The following NBEA variants were observed in gnomAD, a reference collection of about 807,000 sequenced individuals.
NBEA encodes lysosomal-trafficking regulator 2.
NBEA carries 44 observed loss-of-function variants against 343.4 expected under a neutral mutation model. The observed-to-expected ratio is 0.13, with a 90% CI of 0.10 to 0.16. The LOEUF (loss-of-function observed/expected upper bound fraction) is 0.16. Among genes scored for constraint, NBEA ranks in the 10% least tolerant of loss-of-function variants. The pLI is 1.00. For missense variants in NBEA, 2,555 were observed against 3,631.3 expected (o/e 0.70, Z 7.62); for synonymous variants, 1,175 against 1,238.7 (o/e 0.95, Z 1.08).
chr13:35,186,298 C>G (rs1202182091), intron 30 of NBEA: 2 of 152,038 alleles, frequency 1.3e-5, no homozygotes, highest in African/African-American at 2.4e-5. Flanking sequence ...GAGCAAGACC[C>G]TTTTTCAAAG....
chr13:35,162,311 AAATT>A (rs1355016966), intron 23 of NBEA, among the ~76,000 whole-genome samples: 5 of 152,194 alleles, frequency 3.3e-5, no homozygotes, highest in Non-Finnish European at 7.4e-5. Context: ...AATGTGAAAC[AAATT>A]AATTAAGAGA....
chr13:35,567,606 T>C (rs188254894), intron 45 of NBEA, among the ~76,000 whole-genome samples: 6 of 152,330 alleles, frequency 3.9e-5, no homozygotes, highest in Non-Finnish European at 5.9e-5. Flanking sequence ...AACTGGGAAC[T>C]AAGCCCAAAA....
chr13:35,665,276 C>T, intron 56 of NBEA, 90 bp downstream of exon 56: 4 of 1,086,304 alleles, frequency 3.7e-6, no homozygotes, highest in Non-Finnish European at 1.4e-6. Context: ...TTCCAGGAAG[C>T]TTCCCATAGA....
At chr13:35,164,327 C>T (rs748160100) in intron 23 of NBEA, 29 bp from the exon 24 acceptor site, 3 of 1,545,034 alleles carry the variant, frequency 1.9e-6, no homozygotes, top group Non-Finnish European at 2.6e-6. Context: ...TAAGCCAAAA[C>T]ATACTCATTT....
chr13:35,579,365 C>G (rs1488712984), intron 45 of NBEA, among the ~76,000 whole-genome samples: 2 of 151,846 alleles, frequency 1.3e-5, no homozygotes, highest in African/African-American at 4.8e-5. Flanking sequence ...ACCATTTATC[C>G]AATATGTTTT....
intron 34 of NBEA, among the ~76,000 whole-genome samples, chr13:35,256,404 A>G (rs2032595224): frequency 6.6e-6 from 1 of 152,140 alleles, no homozygotes; most frequent in Non-Finnish European, 1.5e-5. Flanking sequence ...GAGGCCATAG[A>G]CAGGCCTGAA....
At chr13:35,373,811 C>T (rs1566043823) in intron 38 of NBEA, among the ~76,000 whole-genome samples, 2 of 151,966 alleles carry the variant, frequency 1.3e-5, no homozygotes, top group Non-Finnish European at 2.9e-5. Flanking sequence ...TTTGTATCAT[C>T]TTCATGTTGA....
rs755379287 is a variant in NBEA, at chr13:35,159,789, A to G, written c.3618A>G (p.Lys1206=). The stretch of plus-strand genomic sequence containing the variant: ...GTACATCCAGTATAATAGAAGAAAA[A>G]GAATTCAAAATCCATACAACTTCAG... ...LTCTSSIIEE[K]EFKIHTTSDG... Residue 1206 remains lysine, a synonymous_variant, in exon 22 of 59, where the codon AAA becomes AAG. Coordinates refer to ENST00000379939, the MANE Select transcript of NBEA (RefSeq NM_001385012.1). 6.2e-7 allele frequency: 1 copy of G among 1,612,512 alleles called. No individual in the cohort carries two copies. The highest frequency in any genetic ancestry group is 8.5e-7 in the Non-Finnish European group (1 of 1,179,260).
chr13:35,361,972 G>A (rs575532929), intron 38 of NBEA, among the ~76,000 whole-genome samples: 1 of 151,836 alleles, frequency 6.6e-6, no homozygotes, highest in South Asian at 2.1e-4. Context: ...CTGGGGTAGT[G>A]GTTTTATGAC....
chr13:35,633,469 G>A (rs1034729850), intron 49 of NBEA, among the ~76,000 whole-genome samples: 1 of 151,174 alleles, frequency 6.6e-6, no homozygotes, highest in Non-Finnish European at 1.5e-5. Flanking sequence ...AGACCGAGGC[G>A]GGTGGATCAC....
intron 17 of NBEA, among the ~76,000 whole-genome samples, chr13:35,124,319 G>T (rs1229007812): frequency 6.7e-6 from 1 of 148,414 alleles, no homozygotes. Flanking sequence ...CATGAAAACT[G>T]CACAAAATTC....
At chr13:35,585,699 G>C (rs555516858) in intron 46 of NBEA, among the ~76,000 whole-genome samples, 2 of 151,750 alleles carry the variant, frequency 1.3e-5, no homozygotes, top group Admixed American at 1.3e-4. Flanking sequence ...ACCATAAGCA[G>C]CATTTCAATA....
chr13:35,338,150 A>T (rs1594269479), intron 36 of NBEA, among the ~76,000 whole-genome samples: 1 of 151,954 alleles, frequency 6.6e-6, no homozygotes, highest in East Asian at 1.9e-4. Context: ...TTTGAAAGTA[A>T]TAAAGCTTAA....
intron 10 of NBEA, among the ~76,000 whole-genome samples, chr13:35,084,505 G>A (rs1172375073): frequency 6.6e-6 from 1 of 152,076 alleles, no homozygotes; most frequent in African/African-American, 2.4e-5. Context: ...TGAAACGAAG[G>A]TATAAATAAA....
intron 39 of NBEA, among the ~76,000 whole-genome samples, chr13:35,433,088 A>G (rs1455241415): frequency 6.6e-6 from 1 of 152,074 alleles, no homozygotes; most frequent in Non-Finnish European, 1.5e-5. Context: ...TTATCACACT[A>G]CAGTAGAACT....
intron 1 of NBEA, among the ~76,000 whole-genome samples, chr13:34,981,953 T>TTCTC (rs144982548): frequency 2.7e-5 from 4 of 149,360 alleles, no homozygotes; most frequent in Non-Finnish European, 4.5e-5. Context: ...ATGTTCTCTC[T>TTCTC]TCTCTCTCTC....
intron 48 of NBEA, among the ~76,000 whole-genome samples, chr13:35,618,852 C>T (rs915439322): frequency 5.9e-5 from 9 of 152,040 alleles, no homozygotes; most frequent in Admixed American, 3.3e-4. Context: ...GGCCCTTTCA[C>T]GGATGTGCAT....
At chr13:35,220,871 T>G (rs2074324379) in intron 33 of NBEA, among the ~76,000 whole-genome samples, 1 of 152,180 alleles carries the variant, frequency 6.6e-6, no homozygotes, top group Admixed American at 6.5e-5. Flanking sequence ...TTTTTAAAAA[T>G]ACATTTCTTA....
intron 55 of NBEA, among the ~76,000 whole-genome samples, chr13:35,658,139 C>T (rs2084907338): frequency 6.6e-6 from 1 of 151,774 alleles, no homozygotes; most frequent in Non-Finnish European, 1.5e-5. Context: ...TTCTTAAGAA[C>T]AAAAATATGG....
Sources: allele counts gnomAD v4.1 joint callset (sites outside exome capture counted in the v4.1 genomes callset), GRCh38; gene constraint gnomAD v4.1.1; transcripts MANE v1.5; gene names NCBI Gene and HGNC (gene_info 2026-07-23, HGNC 2026-07-21).